The following HJURP variants were observed in gnomAD, a reference collection of about 807,000 sequenced individuals.
HJURP encodes Holliday junction recognition protein.
In HJURP, 49 loss-of-function variants were observed where a neutral mutation model predicts 72.0. That is an observed-to-expected ratio of 0.68 (90% confidence interval 0.54 to 0.86). The LOEUF is 0.86. Among genes scored for constraint, HJURP ranks in the 40% least tolerant of loss-of-function variants. The pLI, the probability that HJURP is intolerant of heterozygous loss-of-function variation, is 0.00. For missense variants in HJURP, 908 were observed against 936.3 expected (o/e 0.97, Z 0.39); for synonymous variants, 357 against 347.1 (o/e 1.03, Z -0.32).
At chr2:233,837,681 A>T in intron 8 of HJURP, 29 bp from the exon 9 acceptor site, 1 of 1,469,254 alleles carries the variant, frequency 6.8e-7, no homozygotes, top group South Asian at 1.2e-5. Flanking sequence ...AAAGAAAATG[A>T]TGTTAGCAAA....
chr2:233,852,312 A>G (rs924523754), intron 3 of HJURP, among the ~76,000 whole-genome samples: 14 of 152,198 alleles, frequency 9.2e-5, no homozygotes, highest in African/African-American at 3.4e-4. Flanking sequence ...GTATTATCAG[A>G]GCCCCTCAGC....
chr2:233,852,495 C>A (rs1294455412), intron 3 of HJURP, 70 bp downstream of exon 3: 3 of 1,176,378 alleles, frequency 2.6e-6, no homozygotes, highest in Admixed American at 3.5e-5. Context: ...TTGGGCATAC[C>A]CACACCTTTA....
In HJURP at chr2:233,845,820, G is replaced by A. The variant is rs1168930341; in HGVS notation, c.403C>T (p.Pro135Ser). The A allele has an allele frequency of 1.9e-6, 3 of 1,606,762 alleles. No individual in the cohort carries two copies. In the South Asian group the frequency reaches 3.3e-5, roughly 18 times the overall value. The change falls in exon 6 of 9, where the codon CCT becomes TCT. Residue 135 changes from proline (P) to serine (S), a missense_variant and splice_region_variant. Pro to Ser is a moderately conservative substitution (Grantham distance 74, BLOSUM62 -1). This residue lies in a region of HJURP where 299 missense variants were observed against 286.7 expected (regional missense o/e 1.04). Coordinates refer to ENST00000411486, the MANE Select transcript of HJURP (RefSeq NM_018410.5). ...QEESVAWALAPAVPQSPLKNE... is the reference protein window; with the variant it reads ...QEESVAWALASAVPQSPLKNE... ...TTCAAAGGGCTTTGAGGCACTGCAG[G>A]CTGATCAAAAAAGAGAAGTCAGAAT...
chr2:233,854,485 G>A lies in HJURP; in HGVS notation c.16C>T (p.Arg6Cys). Reference protein sequence around the residue: MLGTLRAMEGEDVEDD... With the variant: MLGTLCAMEGEDVEDD... ...TCCACGTCCTCGCCCTCCATGGCGC[G>A]CAGCGTACCCAGCATCGGACCCAGC... The change falls in exon 1 of 9, where the codon CGC becomes TGC. Residue 6 changes from arginine (R) to cysteine (C), a missense_variant. By Grantham distance (180) the Arg-to-Cys change is radical. Coordinates refer to ENST00000411486, the MANE Select transcript of HJURP (RefSeq NM_018410.5). The A allele has an allele frequency of 1.2e-6, 2 of 1,611,510 alleles. No homozygotes were observed. Among genetic ancestry groups the A allele is most frequent in the East Asian group, 2.2e-5 (1 of 44,628 alleles).
In HJURP at chr2:233,841,417, G is replaced by T. The variant is rs771119613; in HGVS notation, c.1363C>A (p.Arg455=). The T allele has an allele frequency of 5.6e-6, 9 of 1,614,038 alleles. No homozygotes were observed. The East Asian group carries it at 2.0e-4, about 36-fold the overall frequency. ...GCCCAGGAGTCCGGGAGGCACATCC[G>T]GCGAGGCTGGTTCCTGGGACTCAGG... The part of the protein sequence containing the change: ...YCLSPRNQPR[R]MCLPDSWAMN... Residue 455 remains arginine, a synonymous_variant, in exon 8 of 9, where the codon CGG becomes AGG. Coordinates refer to ENST00000411486, the MANE Select transcript of HJURP (RefSeq NM_018410.5).
At chr2:233,843,856 TACAC>T (rs1015349147) in intron 7 of HJURP, among the ~76,000 whole-genome samples, 1 of 152,212 alleles carries the variant, frequency 6.6e-6, no homozygotes, top group Non-Finnish European at 1.5e-5. Flanking sequence ...TGCAAATAAA[TACAC>T]ACTGTGTGTG....
At chr2:233,845,860 G>A (rs2302155) in intron 5 of HJURP, 40 bp from the exon 6 acceptor site, 651,987 of 1,350,706 alleles carry the variant, frequency 0.48, 162,814 homozygotes, top group Non-Finnish European at 0.51. Context: ...AAGAGCTTCT[G>A]AGTATAGCTG....
chr2:233,847,361 C>T (rs1574648129), intron 5 of HJURP, 36 bp downstream of exon 5: 6 of 1,553,868 alleles, frequency 3.9e-6, no homozygotes, highest in Non-Finnish European at 4.4e-6. Context: ...CCCCAAGCGC[C>T]CCCTCTGTCC....
At position 233,846,633 on chromosome 2, in the gene HJURP, C is replaced by A. The variant is rs1386295408; in HGVS notation, c.402+764G>T. ...CCCTTTGTTCCAATCCCTACACAATCTCTCAGTGAGCATCCACTTTCTTCC... is the reference window on the plus strand; with the variant it reads ...CCCTTTGTTCCAATCCCTACACAATATCTCAGTGAGCATCCACTTTCTTCC... On this transcript the variant is annotated intron_variant, in intron 5 of 8. Coordinates refer to ENST00000411486, the MANE Select transcript of HJURP (RefSeq NM_018410.5). The surrounding 1 kb of genome is among the most constrained non-coding windows in gnomAD (Gnocchi z 4.3). Among the ~76,000 whole-genome samples, 2 of 152,168 alleles carry A rather than the reference C, an allele frequency of 1.3e-5. No homozygotes were observed. The highest frequency in any genetic ancestry group is 2.9e-5 in the Non-Finnish European group (2 of 68,028).
chr2:233,850,451 C>T (rs1262900456), intron 3 of HJURP, among the ~76,000 whole-genome samples: 2 of 152,086 alleles, frequency 1.3e-5, no homozygotes, highest in East Asian at 3.9e-4. Flanking sequence ...TATAGCAGGC[C>T]CCACGAATAA....
In HJURP at chr2:233,841,185, C is replaced by T. The variant is rs756903486; in HGVS notation, c.1595G>A (p.Ser532Asn). 13 of 1,614,182 alleles carry T rather than the reference C, an allele frequency of 8.1e-6. No homozygotes were observed. The East Asian group carries it at 2.9e-4, about 36-fold the overall frequency. ...SSLPKTNPTH[S>N]ATRPQQTSDL... ...AGATGTCTGCTGCGGGCGAGTTGCG[C>T]TGTGTGTGGGGTTGGTCTTTGGAAG... The change falls in exon 8 of 9, where the codon AGC (serine) becomes AAC (asparagine). Residue 532 changes from serine to asparagine, a missense_variant. Physicochemically the swap from Ser to Asn is conservative, Grantham distance 46 (BLOSUM62 1). Around this residue, in one of 3 missense-constraint regions of HJURP, gnomAD observed 598 missense variants for 619.5 expected, o/e 0.97. Coordinates refer to ENST00000411486, the MANE Select transcript of HJURP (RefSeq NM_018410.5).
intron 3 of HJURP, among the ~76,000 whole-genome samples, chr2:233,852,084 G>A (rs951513374): frequency 5.3e-5 from 8 of 152,226 alleles, no homozygotes; most frequent in Admixed American, 3.3e-4. Context: ...AGGGTCTTCC[G>A]AAGGTAGAAA....
intron 7 of HJURP, 120 bp downstream of exon 7, chr2:233,844,085 T>C (rs1705296539): frequency 1.4e-6 from 1 of 710,840 alleles, no homozygotes; most frequent in African/African-American, 1.8e-5. Flanking sequence ...ACAAGTTATG[T>C]TGATGAAACA....
intron 2 of HJURP, among the ~76,000 whole-genome samples, chr2:233,853,336 A>T (rs900062533): frequency 2.6e-5 from 4 of 152,238 alleles, no homozygotes; most frequent in Non-Finnish European, 5.9e-5. Context: ...TACATTAACT[A>T]TTAAACGGAA....
chr2:233,839,062 G>A (rs1574639465), intron 8 of HJURP, among the ~76,000 whole-genome samples: 1 of 152,226 alleles, frequency 6.6e-6, no homozygotes, highest in African/African-American at 2.4e-5. Flanking sequence ...GAACACTTAC[G>A]TATGTCCATC....
At chr2:233,851,254 A>G (rs1705488932) in intron 3 of HJURP, among the ~76,000 whole-genome samples, 1 of 152,240 alleles carries the variant, frequency 6.6e-6, no homozygotes, top group Non-Finnish European at 1.5e-5. Context: ...ACTTCTCAGC[A>G]TTTATCGAAA....
chr2:233,846,115 C>CCTG lies in HJURP; in HGVS notation c.403-296_403-295insCAG. 3.7e-6 allele frequency: 1 copy of CCTG among 270,084 alleles called. No homozygotes were observed. Among genetic ancestry groups the CCTG allele is most frequent in the Non-Finnish European group, 7.0e-6 (1 of 142,288 alleles). 16.7% of individuals were successfully genotyped at this position (270,084 alleles called of 1,614,324 possible). ...TGAATATTCATAGGTGAGTTCAGGA[C>CCTG]TCAACTACTGGTAATAACTTCAAAC... On this transcript the variant is annotated intron_variant, in intron 5 of 8. Transcript: ENST00000411486. This position sits in a 1 kb window ranked among gnomAD's most constrained non-coding sequence, Gnocchi z 4.3.
Position 233,846,972 on chromosome 2 carries a change from C to T in HJURP, c.402+425G>A, listed in dbSNP as rs1302550357. Among the ~76,000 whole-genome samples, 4 of 152,234 alleles carry T rather than the reference C, an allele frequency of 2.6e-5. No homozygotes were observed. Among genetic ancestry groups the T allele is most frequent in the East Asian group, 1.9e-4 (1 of 5,176 alleles). On this transcript the variant is annotated intron_variant, in intron 5 of 8. Coordinates refer to ENST00000411486, the MANE Select transcript of HJURP (RefSeq NM_018410.5). This position sits in a 1 kb window ranked among gnomAD's most constrained non-coding sequence, Gnocchi z 4.3. The stretch of plus-strand genomic sequence containing the variant: ...GGTTAGTGACGGCTGCCCAATGAGG[C>T]GACCTTGTGACTTGGGGCATTTGAG...
chr2:233,849,781 G>A lies in HJURP; in HGVS notation c.319C>T (p.Arg107Cys), dbSNP rs758112281. ...AAWGPELPSH[R>C]TVLGADSKSG... is the part of the protein sequence containing the mutation. ...CACTCACCGGCTCCCAGGACTGTGC[G>A]GTGCGAGGGAAGCTCAGGACCCCAG... Residue 107 changes from arginine (R) to cysteine (C), a missense_variant, in exon 4 of 9, where the codon CGC becomes TGC. By Grantham distance (180) the Arg-to-Cys change is radical. Coordinates refer to ENST00000411486, the MANE Select transcript of HJURP (RefSeq NM_018410.5). 9.7e-6 allele frequency: 15 copies of A among 1,553,366 alleles called. No homozygotes were observed. The highest frequency in any genetic ancestry group is 1.9e-4 in the Middle Eastern group (1 of 5,170).
Sources: allele counts gnomAD v4.1 joint callset (sites outside exome capture counted in the v4.1 genomes callset), GRCh38; gene constraint gnomAD v4.1.1; regional missense constraint gnomAD v4.1.1; non-coding constraint Gnocchi (gnomAD v3.1); transcripts MANE v1.5; gene names NCBI Gene and HGNC (gene_info 2026-07-23, HGNC 2026-07-21).